Variants in ARHGEF9 observed in about 807,000 individuals in gnomAD.
ARHGEF9 encodes the protein rho guanine nucleotide exchange factor 9.
Under a neutral mutation model 41.3 loss-of-function variants are expected in ARHGEF9, and 2 were observed. That is an observed-to-expected ratio of 0.05 (90% CI 0.02 to 0.15). The LOEUF is 0.15. Ranked by LOEUF, ARHGEF9 falls within the 10% of genes least tolerant of loss-of-function variation. ARHGEF9 has a pLI of 1.00. For synonymous variants in ARHGEF9, 160 were observed against 154.4 expected (o/e 1.04, Z -0.27); for missense variants, 225 against 424.7 (o/e 0.53, Z 4.13).
At chrX:63,730,074 G>C (rs1169513765) in intron 1 of ARHGEF9, among the ~76,000 whole-genome samples, 1 of 111,527 alleles carries the variant, frequency 9.0e-6, no homozygotes, top group South Asian at 3.8e-4. Context: ...TCTAAGGCTG[G>C]TCTCTGTGAC....
In ARHGEF9 at chrX:63,636,997, G is replaced by A; in HGVS notation, c.*1031C>T. The A allele has an allele frequency of 3.4e-6, 1 of 297,417 alleles. No individual in the cohort carries two copies. The allele number at this position is 297,417 out of a possible 1,213,427, so 24.5% of individuals were successfully genotyped here. ...CTGCCCTAAACCTATCTGGTACTAG[G>A]GGGCAGGTAAATCCCTCTCCTGGGA... On this transcript the variant is annotated 3_prime_UTR_variant, in exon 10 of 10. Coordinates refer to ENST00000671741, the MANE Select transcript of ARHGEF9 (RefSeq NM_001353921.2).
At chrX:63,738,819 C>T (rs2054770274) in intron 1 of ARHGEF9, among the ~76,000 whole-genome samples, 1 of 111,578 alleles carries the variant, frequency 9.0e-6, no homozygotes, top group Admixed American at 9.5e-5. Context: ...CAGATTCCTC[C>T]ATCTCTTTCC....
chrX:63,714,304 T>C (rs1198222270), intron 2 of ARHGEF9, among the ~76,000 whole-genome samples: 1 of 112,349 alleles, frequency 8.9e-6, no homozygotes, highest in East Asian at 2.8e-4. Context: ...GTCCCTGGCT[T>C]CTCTGAAAAC....
Position 63,746,176 on chromosome X carries a change from C to T in ARHGEF9, c.31-21465G>A, listed in dbSNP as rs577703920. On this transcript the variant is annotated intron_variant, in intron 1 of 9. Coordinates refer to ENST00000671741, the MANE Select transcript of ARHGEF9 (RefSeq NM_001353921.2). ...GCAAGTCTGCCTTCCCTATGCTATC[C>T]TTCTGCCATGCATGTACAACTTTCC... 5.4e-5 allele frequency among the ~76,000 whole-genome samples: 6 copies of T among 111,415 alleles called. No homozygotes were observed. The South Asian group carries it at 2.3e-3, about 42-fold the overall frequency.
intron 8 of ARHGEF9, among the ~76,000 whole-genome samples, chrX:63,650,969 A>G (rs1556328195): frequency 1.8e-5 from 2 of 110,794 alleles, no homozygotes; most frequent in Admixed American, 1.9e-4. Context: ...GAAATGAACA[A>G]TTTCCCAGAA....
chrX:63,665,985 C>A lies in ARHGEF9; in HGVS notation c.978G>T (p.Leu326=), dbSNP rs1556347425. ...GEDILDRSSE[L]IYTGEMAWIY... The stretch of plus-strand genomic sequence containing the variant: ...TCCAGGCCATCTCCCCAGTGTAGAT[C>A]AGCTCCGAGCTCCTGTCTAGGATGT... Residue 326 remains leucine (L), a synonymous_variant, in exon 7 of 10, where the codon CTG becomes CTT. Transcript: ENST00000671741. 8.3e-7 allele frequency: 1 copy of A among 1,206,247 alleles called. No individual in the cohort carries two copies. The highest frequency in any genetic ancestry group is 3.0e-5 in the East Asian group (1 of 33,623).
intron 2 of ARHGEF9, among the ~76,000 whole-genome samples, chrX:63,707,888 A>G (rs1350406633): frequency 9.0e-6 from 1 of 111,725 alleles, no homozygotes; most frequent in Non-Finnish European, 1.9e-5. Flanking sequence ...ACCAGCGTAT[A>G]TCTCACTGAA....
chrX:63,726,441 C>T (rs782158351), intron 1 of ARHGEF9, among the ~76,000 whole-genome samples: 26 of 111,704 alleles, frequency 2.3e-4, no homozygotes, highest in East Asian at 5.6e-4. Flanking sequence ...TGGGTTCAAG[C>T]GATTCTGGTG....
At chrX:63,736,142 G>A (rs1409250196) in intron 1 of ARHGEF9, among the ~76,000 whole-genome samples, 1 of 111,774 alleles carries the variant, frequency 8.9e-6, no homozygotes, top group Admixed American at 9.5e-5. Context: ...CAAAGACTTA[G>A]CCAGAGGGAT....
intron 4 of ARHGEF9, among the ~76,000 whole-genome samples, chrX:63,692,550 C>CA (rs1335943064): frequency 1.8e-5 from 2 of 111,738 alleles, no homozygotes; most frequent in African/African-American, 6.5e-5. Flanking sequence ...ATCAAAAAGA[C>CA]AAAAAATAAC....
At chrX:63,657,384 G>T (rs1287729741) in intron 7 of ARHGEF9, 2 of 111,613 alleles carry the variant, frequency 1.8e-5, no homozygotes, top group Admixed American at 1.9e-4. Flanking sequence ...GCTGGGAAAG[G>T]CTACCTTGCA....
At chrX:63,750,090 T>A (rs1225165763) in intron 1 of ARHGEF9, among the ~76,000 whole-genome samples, 14 of 112,412 alleles carry the variant, frequency 1.2e-4, no homozygotes, top group African/African-American at 4.2e-4. Flanking sequence ...AAGATCCAGA[T>A]GCCTTGTAGG....
intron 1 of ARHGEF9, among the ~76,000 whole-genome samples, chrX:63,775,779 A>T (rs1469674110): frequency 1.8e-5 from 2 of 111,486 alleles, no homozygotes; most frequent in African/African-American, 6.5e-5. Context: ...CATGACACAC[A>T]ATTTGCCCAT....
chrX:63,725,186 G>A (rs1490963248), intron 1 of ARHGEF9, among the ~76,000 whole-genome samples: 18 of 110,512 alleles, frequency 1.6e-4, no homozygotes, highest in African/African-American at 5.6e-4. Context: ...TAACCCCACC[G>A]TGACCCTCCT....
intron 1 of ARHGEF9, among the ~76,000 whole-genome samples, chrX:63,741,848 G>A (rs2054977506): frequency 8.9e-6 from 1 of 112,654 alleles, no homozygotes; most frequent in African/African-American, 3.2e-5. Flanking sequence ...GTGTGTTAAT[G>A]TGAAAATATG....
chrX:63,701,960 A>G (rs1157677692), intron 3 of ARHGEF9, among the ~76,000 whole-genome samples: 4 of 112,360 alleles, frequency 3.6e-5, no homozygotes, highest in Non-Finnish European at 7.5e-5. Flanking sequence ...ATCATTTTCT[A>G]TGTGCCAAGA....
At chrX:63,713,818 C>T (rs1461783633) in intron 2 of ARHGEF9, among the ~76,000 whole-genome samples, 1 of 110,767 alleles carries the variant, frequency 9.0e-6, no homozygotes, top group African/African-American at 3.3e-5. Context: ...AAGCACTTAG[C>T]ATTCCTGCCT....
intron 4 of ARHGEF9, among the ~76,000 whole-genome samples, chrX:63,691,557 G>T (rs782511991): frequency 2.1e-4 from 23 of 111,008 alleles, no homozygotes; most frequent in Admixed American, 4.8e-4. Flanking sequence ...ACTGCCTAAA[G>T]CAACCTATAG....
At chrX:63,706,232 G>A (rs2052536530) in intron 3 of ARHGEF9, 26 bp downstream of exon 3, 4 of 1,176,460 alleles carry the variant, frequency 3.4e-6, no homozygotes, top group Admixed American at 4.7e-5. Flanking sequence ...TCGTGGAAGT[G>A]CCTCCACATG....
Sources: gnomAD v4.1 joint callset for allele counts (sites outside exome capture counted in the v4.1 genomes callset) on GRCh38, gnomAD v4.1.1 for gene constraint, MANE v1.5 for transcripts, NCBI Gene and HGNC (gene_info 2026-07-23, HGNC 2026-07-21) for gene names.